COG2: variants seen among roughly 807,000 people sequenced by gnomAD.
The protein encoded by COG2 is component of oligomeric golgi complex 2.
In COG2, 52 loss-of-function variants were observed where a neutral mutation model predicts 90.6. That is an observed-to-expected ratio of 0.57 (90% confidence interval 0.46 to 0.72). The LOEUF is 0.72. Among genes scored for constraint, COG2 ranks in the 30% least tolerant of loss-of-function variants. The probability of loss-of-function intolerance (pLI) is 0.00; values close to 1 mark genes in which losing one functional copy is unlikely to be tolerated. For missense variants in COG2, 829 were observed against 891.2 expected (o/e 0.93, Z 0.89); for synonymous variants, 337 against 320.4 (o/e 1.05, Z -0.55).
intron 1 of COG2, among the ~76,000 whole-genome samples, chr1:230,647,593 T>G (rs1287446557): frequency 6.6e-6 from 1 of 152,192 alleles, no homozygotes; most frequent in Non-Finnish European, 1.5e-5. Context: ...TTTATGTTTC[T>G]GTGAATAAAG....
intron 12 of COG2, 73 bp downstream of exon 12, chr1:230,685,309 A>T (rs1164591370): frequency 6.6e-7 from 1 of 1,516,816 alleles, no homozygotes; most frequent in Non-Finnish European, 9.0e-7. Flanking sequence ...CTAACTCCCT[A>T]AGATTTTTGT....
chr1:230,643,428 C>CA (rs377210306), intron 1 of COG2, among the ~76,000 whole-genome samples: 7 of 152,242 alleles, frequency 4.6e-5, no homozygotes, highest in Admixed American at 3.9e-4. Flanking sequence ...TTAAGCCATT[C>CA]AAAAAATGTT....
intron 1 of COG2, among the ~76,000 whole-genome samples, chr1:230,654,476 C>A (rs1015288697): frequency 6.6e-6 from 1 of 152,138 alleles, no homozygotes; most frequent in African/African-American, 2.4e-5. Context: ...CTATATATAT[C>A]TGTTTTCATA....
chr1:230,659,633 T>C lies in COG2; in HGVS notation c.234+8T>C, dbSNP rs752696026. ...AATCTTTCAACAAACTTGGTAAACT[T>C]TAAATCCACGGTCCCATTTACATAC... On this transcript the variant is annotated splice_region_variant and intron_variant, in intron 2 of 17. Coordinates refer to ENST00000366669, the MANE Select transcript of COG2 (RefSeq NM_007357.3). 6.2e-7 allele frequency: 1 copy of C among 1,612,352 alleles called. No homozygotes were observed. Among genetic ancestry groups the C allele is most frequent in the Non-Finnish European group, 8.5e-7 (1 of 1,179,250 alleles).
chr1:230,659,700 G>C, intron 2 of COG2, 75 bp downstream of exon 2: 1 of 1,476,662 alleles, frequency 6.8e-7, no homozygotes, highest in Non-Finnish European at 9.1e-7. Context: ...TAGAAGTGTT[G>C]TGTGTTTTTA....
At chr1:230,690,549 C>T (rs1663002209) in intron 16 of COG2, among the ~76,000 whole-genome samples, 1 of 152,162 alleles carries the variant, frequency 6.6e-6, no homozygotes, top group Non-Finnish European at 1.5e-5. Context: ...GTTGGTGAAA[C>T]CCTTGTAATC....
At position 230,674,589 on chromosome 1, in the gene COG2, G is replaced by A. The variant is rs533324670; in HGVS notation, c.900-409G>A. On this transcript the variant is annotated intron_variant, in intron 8 of 17. Transcript: ENST00000366669. Reference sequence around the variant, plus strand: ...AAAGCTGTTAGTAATTTATAAATTAGCATAACTTACAATGCTGTGTGGTTT... The same window carrying A: ...AAAGCTGTTAGTAATTTATAAATTAACATAACTTACAATGCTGTGTGGTTT... Among the ~76,000 whole-genome samples, 4 of 152,324 alleles carry A rather than the reference G, an allele frequency of 2.6e-5. No individual in the cohort carries two copies. The South Asian group carries it at 8.3e-4, about 32-fold the overall frequency.
intron 16 of COG2, among the ~76,000 whole-genome samples, chr1:230,690,906 A>G (rs930781093): frequency 6.6e-6 from 1 of 152,198 alleles, no homozygotes; most frequent in Non-Finnish European, 1.5e-5. Context: ...TATTGCAAGT[A>G]TTTTGAAGGC....
At chr1:230,642,735 C>T (rs953688423) in intron 1 of COG2, 57 bp downstream of exon 1, 16 of 1,540,246 alleles carry the variant, frequency 1.0e-5, no homozygotes, top group Middle Eastern at 1.7e-4. Context: ...TGCCCTGTGC[C>T]CTCTGTGGCG....
intron 5 of COG2, among the ~76,000 whole-genome samples, chr1:230,665,110 A>G (rs1161792953): frequency 6.6e-6 from 1 of 152,216 alleles, no homozygotes; most frequent in Non-Finnish European, 1.5e-5. Context: ...CCCACACTGA[A>G]TTTAAAATCA....
At chr1:230,655,574 C>G (rs984791989) in intron 1 of COG2, among the ~76,000 whole-genome samples, 36 of 152,058 alleles carry the variant, frequency 2.4e-4, no homozygotes, top group African/African-American at 8.5e-4. Context: ...TTTGTTGTGT[C>G]TTTGCCAGGT....
chr1:230,692,663 C>T (rs1465211312), intron 17 of COG2, among the ~76,000 whole-genome samples: 1 of 152,128 alleles, frequency 6.6e-6, no homozygotes, highest in Admixed American at 6.5e-5. Flanking sequence ...CCCGCAGTCT[C>T]GGTCCCCAGA....
At chr1:230,661,105 A>G (rs376570077) in intron 3 of COG2, among the ~76,000 whole-genome samples, 43 of 152,104 alleles carry the variant, frequency 2.8e-4, no homozygotes, top group African/African-American at 9.4e-4. Flanking sequence ...TGAAAACTCA[A>G]CTTGTTACTG....
chr1:230,642,952 C>G, intron 1 of COG2: 1 of 466,340 alleles, frequency 2.1e-6, no homozygotes. Context: ...GCCACTGTTA[C>G]CCGTTCCTGT....
chr1:230,667,418 ATTATATTCAGTATG>A (rs1662347370), intron 5 of COG2, among the ~76,000 whole-genome samples: 1 of 151,806 alleles, frequency 6.6e-6, no homozygotes, highest in Admixed American at 6.6e-5. Context: ...ATTGTATTAT[ATTATATTCAGTATG>A]TTATATTCAG....
chr1:230,655,900 T>C lies in COG2; in HGVS notation c.73-3564T>C, dbSNP rs536351269. ...TTTATTCGCCTAGAGGTGTTTATAGTGTTCTCTGATGGTAGTCTGTATTTC... is the reference window on the plus strand; with the variant it reads ...TTTATTCGCCTAGAGGTGTTTATAGCGTTCTCTGATGGTAGTCTGTATTTC... On this transcript the variant is annotated intron_variant, in intron 1 of 17. Coordinates refer to ENST00000366669, the MANE Select transcript of COG2 (RefSeq NM_007357.3). 2.0e-5 allele frequency among the ~76,000 whole-genome samples: 3 copies of C among 152,326 alleles called. No homozygotes were observed. The South Asian group carries it at 6.2e-4, about 32-fold the overall frequency.
intron 8 of COG2, among the ~76,000 whole-genome samples, chr1:230,673,691 A>G (rs570935631): frequency 1.7e-4 from 26 of 152,290 alleles, no homozygotes; most frequent in Non-Finnish European, 3.4e-4. Flanking sequence ...TTGGAAGTGT[A>G]TAATATGATG....
chr1:230,683,394 G>A (rs749979188), intron 10 of COG2, 180 bp from the exon 11 acceptor site: 5 of 531,212 alleles, frequency 9.4e-6, no homozygotes, highest in South Asian at 4.6e-5. Context: ...GCTTAGTCAC[G>A]ATTTCTTGTT....
At position 230,689,970 on chromosome 1, in the gene COG2, GT is replaced by G. The variant is rs765895657; in HGVS notation, c.1795-37del. On this transcript the variant is annotated intron_variant, in intron 15 of 17. Transcript: ENST00000366669. Reference sequence around the variant, plus strand: ...CTGGGTAACTTACTGTTTCTTTTCTGTTTTTTTCCTGTGCATCTTTATCTCC... The same window carrying G: ...CTGGGTAACTTACTGTTTCTTTTCTGTTTTTTCCTGTGCATCTTTATCTCC... 1.6e-5 allele frequency: 25 copies of G among 1,519,432 alleles called. No homozygotes were observed. In the African/African-American group the frequency reaches 2.7e-4, roughly 16 times the overall value. The allele number at this position is 1,519,432 out of a possible 1,614,324, so 94.1% of individuals were successfully genotyped here. A position where few individuals can be genotyped will look rare whatever the true frequency, so the allele number is the denominator to read the frequency against.
Sources: gnomAD v4.1 joint callset for allele counts (sites outside exome capture counted in the v4.1 genomes callset) on GRCh38, gnomAD v4.1.1 for gene constraint, MANE v1.5 for transcripts, NCBI Gene and HGNC (gene_info 2026-07-23, HGNC 2026-07-21) for gene names.